The following LGSN variants were observed in gnomAD, a reference collection of about 807,000 sequenced individuals.
LGSN encodes the protein lengsin.
In LGSN, 21 loss-of-function variants were observed where a neutral mutation model predicts 19.5. That is an observed-to-expected ratio of 1.07 (90% CI 0.76 to 1.55). LGSN has a LOEUF of 1.55. LGSN is among the 40% of genes most tolerant of loss of function. The pLI, the probability that LGSN is intolerant of heterozygous loss-of-function variation, is 0.00. For missense variants in LGSN, 673 were observed against 608.5 expected (o/e 1.11, Z -1.12); for synonymous variants, 257 against 215.6 (o/e 1.19, Z -1.68).
the LGSN span, among the ~76,000 whole-genome samples, chr6:63,528,603 G>A: frequency 6.6e-6 from 1 of 151,762 alleles, no homozygotes; most frequent in Admixed American, 6.6e-5. Context: ...TGAAAAACTA[G>A]CCAGGCATGG....
the LGSN span, among the ~76,000 whole-genome samples, chr6:63,454,522 G>C: frequency 6.8e-6 from 1 of 147,092 alleles, no homozygotes; most frequent in African/African-American, 2.5e-5. Flanking sequence ...ACAAGGGCTG[G>C]AGTGCAGTGG....
the LGSN span, among the ~76,000 whole-genome samples, chr6:63,526,803 G>GTATATATATATATATATATATATATATA: frequency 9.9e-6 from 1 of 101,440 alleles, no homozygotes; most frequent in African/African-American, 4.4e-5. Flanking sequence ...TCTCAAAAAT[G>GTATATATATATATATATATATATATATA]TATATATATA....
chr6:63,495,600 C>A, the LGSN span, among the ~76,000 whole-genome samples: 32 of 151,460 alleles, frequency 2.1e-4, no homozygotes, highest in African/African-American at 7.5e-4. Flanking sequence ...CAGGCATGCA[C>A]CACCATGCCT....
chr6:63,479,278 A>C, the LGSN span, among the ~76,000 whole-genome samples: 1 of 152,316 alleles, frequency 6.6e-6, no homozygotes, highest in Admixed American at 6.5e-5. Flanking sequence ...GGCAGGGGAA[A>C]GGAAGTAATA....
the LGSN span, chr6:63,441,142 G>A: frequency 2.6e-5 from 5 of 189,922 alleles, no homozygotes; most frequent in South Asian, 1.0e-4. Context: ...CTGGGAGGCC[G>A]AGGTTGCAGT....
At chr6:63,476,249 T>C in the LGSN span, among the ~76,000 whole-genome samples, 1 of 152,212 alleles carries the variant, frequency 6.6e-6, no homozygotes. Flanking sequence ...TCAGATTGTG[T>C]TCTCCTATCC....
chr6:63,335,623 T>A, the LGSN span, among the ~76,000 whole-genome samples: 1 of 152,148 alleles, frequency 6.6e-6, no homozygotes, highest in Non-Finnish European at 1.5e-5. Flanking sequence ...AGATGTCCTA[T>A]TACCCCACTT....
At chr6:63,373,521 A>C in the LGSN span, among the ~76,000 whole-genome samples, 1 of 152,208 alleles carries the variant, frequency 6.6e-6, no homozygotes, top group African/African-American at 2.4e-5. Context: ...TCAAATTAAG[A>C]TACGTTTACA....
Position 63,280,542 on chromosome 6 carries a change from G to A in LGSN, c.1009C>T (p.Leu337Phe). 6.2e-7 allele frequency: 1 copy of A among 1,614,078 alleles called. No individual in the cohort carries two copies. The highest frequency in any genetic ancestry group is 8.5e-7 in the Non-Finnish European group (1 of 1,180,024). Reference sequence around the variant, plus strand: ...AACCATTTTTTCCCAGTGATCGTGAGCTGCTCAGTTCCAGAAGTGCTGCAG... The same window carrying A: ...AACCATTTTTTCCCAGTGATCGTGAACTGCTCAGTTCCAGAAGTGCTGCAG... ...MFCSTSGTEQ[L>F]TITGKKWLAG... Residue 337 changes from leucine (L) to phenylalanine (F), a missense_variant, in exon 4 of 4, where the codon CTC (leucine) becomes TTC (phenylalanine). Coordinates refer to ENST00000370657, the MANE Select transcript of LGSN (RefSeq NM_016571.3).
chr6:63,309,488 A>G (rs1418856031), intron 1 of LGSN, among the ~76,000 whole-genome samples: 2 of 152,160 alleles, frequency 1.3e-5, no homozygotes, highest in Non-Finnish European at 2.9e-5. Flanking sequence ...GGATTGACAC[A>G]ATTTTTTTCA....
the LGSN span, among the ~76,000 whole-genome samples, chr6:63,497,415 G>A: frequency 2.0e-5 from 3 of 152,084 alleles, no homozygotes; most frequent in Admixed American, 2.0e-4. Flanking sequence ...CAGGCTGGGT[G>A]GCAGGCACCT....
the LGSN span, chr6:63,441,490 G>A: frequency 2.3e-6 from 1 of 425,646 alleles, no homozygotes; most frequent in Admixed American, 2.7e-5. Flanking sequence ...GAAACAGCAT[G>A]CAAACAAGGC....
intron 1 of LGSN, among the ~76,000 whole-genome samples, chr6:63,301,248 G>T (rs186289552): frequency 6.6e-6 from 1 of 152,008 alleles, no homozygotes; most frequent in African/African-American, 2.4e-5. Context: ...CCAAGATTGC[G>T]CCACTGCACT....
At chr6:63,303,634 G>T (rs773537908) in intron 1 of LGSN, among the ~76,000 whole-genome samples, 2 of 152,146 alleles carry the variant, frequency 1.3e-5, no homozygotes, top group Admixed American at 6.5e-5. Context: ...ATGACTAAAT[G>T]CTACAATGCA....
the LGSN span, among the ~76,000 whole-genome samples, chr6:63,564,275 C>CA: frequency 6.8e-3 from 654 of 95,540 alleles, 2 homozygotes; most frequent in South Asian, 0.016. Flanking sequence ...GACTCTGTCT[C>CA]AAAAAAAAAA....
chr6:63,538,604 A>C, the LGSN span, among the ~76,000 whole-genome samples: 34 of 152,230 alleles, frequency 2.2e-4, no homozygotes, highest in African/African-American at 7.2e-4. Flanking sequence ...ACCAAGAAAT[A>C]GCATGCAAAA....
At chr6:63,349,777 C>A in the LGSN span, among the ~76,000 whole-genome samples, 3 of 152,304 alleles carry the variant, frequency 2.0e-5, no homozygotes, top group African/African-American at 7.2e-5. Context: ...AGCACAGCTT[C>A]TGTAGATGAG....
the LGSN span, among the ~76,000 whole-genome samples, chr6:63,350,211 G>A: frequency 6.6e-6 from 1 of 152,178 alleles, no homozygotes; most frequent in African/African-American, 2.4e-5. Context: ...TGGATTTATA[G>A]AGTTATTCTA....
At chr6:63,323,555 CAT>C (rs1253232341), upstream of LGSN, among the ~76,000 whole-genome samples, 122 of 114,638 alleles carry the variant, frequency 1.1e-3, no homozygotes, top group African/African-American at 3.4e-3. Flanking sequence ...ACCAAAACCT[CAT>C]ATACACACAC....
Sources: allele counts gnomAD v4.1 joint callset (sites outside exome capture counted in the v4.1 genomes callset), GRCh38; gene constraint gnomAD v4.1.1; transcripts MANE v1.5; gene names NCBI Gene and HGNC (gene_info 2026-07-23, HGNC 2026-07-21).